Variants in TENM2 observed in about 807,000 individuals in gnomAD.
TENM2 encodes the protein teneurin-2.
TENM2 carries 52 observed loss-of-function variants against 245.2 expected under a neutral mutation model. That is an observed-to-expected ratio of 0.21 (90% CI 0.17 to 0.27). The LOEUF (loss-of-function observed/expected upper bound fraction) is 0.27. Among genes scored for constraint, TENM2 ranks in the 10% least tolerant of loss-of-function variants. The pLI, the probability that TENM2 is intolerant of heterozygous loss-of-function variation, is 1.00. For missense variants in TENM2, 3,046 were observed against 3,666.8 expected (o/e 0.83, Z 4.37); for synonymous variants, 1,363 against 1,438.9 (o/e 0.95, Z 1.19).
At chr5:168,216,157 C>A (rs898721879) in intron 21 of TENM2, among the ~76,000 whole-genome samples, 3 of 152,156 alleles carry the variant, frequency 2.0e-5, no homozygotes. Flanking sequence ...TGTACTTGGG[C>A]ACTGGGGCAA....
At chr5:168,160,295 C>T (rs893282890) in intron 12 of TENM2, among the ~76,000 whole-genome samples, 22 of 152,320 alleles carry the variant, frequency 1.4e-4, no homozygotes, top group African/African-American at 5.1e-4. Context: ...GGACGGCTTT[C>T]CCTCCACACA....
intron 2 of TENM2, among the ~76,000 whole-genome samples, chr5:167,379,954 A>G (rs193136491): frequency 6.6e-6 from 1 of 151,668 alleles, no homozygotes; most frequent in Admixed American, 6.6e-5. Context: ...AACCCAGAAC[A>G]AAGTTTTAAG....
At chr5:168,183,922 C>T (rs943430906) in intron 13 of TENM2, among the ~76,000 whole-genome samples, 10 of 152,088 alleles carry the variant, frequency 6.6e-5, no homozygotes, top group African/African-American at 1.9e-4. Context: ...AAGGACCTTT[C>T]GTGGATTACC....
chr5:168,118,496 C>T lies in TENM2; in HGVS notation c.2008+10C>T, dbSNP rs564922657. ...GAGCACTGTGAGGAAGGTAAGCCCGCCGGCCCCGGGGCTAGGCAGCAGTGG... is the reference window on the plus strand; with the variant it reads ...GAGCACTGTGAGGAAGGTAAGCCCGTCGGCCCCGGGGCTAGGCAGCAGTGG... On this transcript the variant is annotated intron_variant, in intron 10 of 28. Coordinates refer to ENST00000518659, the Ensembl canonical transcript of TENM2. 6.6e-6 allele frequency: 10 copies of T among 1,506,620 alleles called. No individual in the cohort carries two copies. In the African/African-American group the frequency reaches 9.5e-5, roughly 14 times the overall value. 93.3% of individuals were successfully genotyped at this position (1,506,620 alleles called of 1,614,324 possible).
intron 2 of TENM2, chr5:167,821,281 A>G (rs1767503412): frequency 6.6e-6 from 1 of 152,250 alleles, no homozygotes; most frequent in Non-Finnish European, 1.5e-5. Context: ...ATGAAGCTTC[A>G]GAATGGTAAG....
At chr5:167,703,771 C>G (rs1342416089) in intron 2 of TENM2, among the ~76,000 whole-genome samples, 1 of 152,130 alleles carries the variant, frequency 6.6e-6, no homozygotes, top group Non-Finnish European at 1.5e-5. Context: ...AAAACTACGT[C>G]AGCAACTTAG....
chr5:167,452,964 T>TTTTTATATATATATATATTTA (rs1554157789), intron 2 of TENM2, among the ~76,000 whole-genome samples: 1 of 108,224 alleles, frequency 9.2e-6, no homozygotes. Context: ...TATATATATT[T>TTTTTATATATATATATATTTA]AAAAAAAAAA....
chr5:167,756,570 C>T (rs1391673206), intron 2 of TENM2, among the ~76,000 whole-genome samples: 1 of 152,100 alleles, frequency 6.6e-6, no homozygotes, highest in Non-Finnish European at 1.5e-5. Flanking sequence ...GAGGAAATCC[C>T]CTCATCCTTT....
intron 2 of TENM2, among the ~76,000 whole-genome samples, chr5:167,788,264 G>T (rs1271856511): frequency 6.6e-6 from 1 of 152,126 alleles, no homozygotes; most frequent in Non-Finnish European, 1.5e-5. Context: ...TTAATTGAAA[G>T]CATATGATAC....
Position 167,485,340 on chromosome 5 carries a change from G to A in TENM2, c.502+109867G>A, listed in dbSNP as rs1166498643. 2.0e-5 allele frequency among the ~76,000 whole-genome samples: 3 copies of A among 152,016 alleles called. No individual in the cohort carries two copies. In the East Asian group the frequency reaches 5.8e-4, roughly 29 times the overall value. ...AAAACAGACTACAAAAAGCAGTAAG[G>A]AAAAAACCACATTATAGCTTTTACT... is the stretch of plus-strand genomic sequence containing the variant. On this transcript the variant is annotated intron_variant, in intron 2 of 28. Transcript: ENST00000518659.
intron 13 of TENM2, among the ~76,000 whole-genome samples, chr5:168,183,918 C>T (rs1760157851): frequency 6.6e-6 from 1 of 152,072 alleles, no homozygotes; most frequent in African/African-American, 2.4e-5. Context: ...TTGTAAGGAC[C>T]TTTCGTGGAT....
At chr5:168,185,915 C>CATATATAT (rs200942772) in intron 13 of TENM2, among the ~76,000 whole-genome samples, 24 of 73,796 alleles carry the variant, frequency 3.3e-4, no homozygotes, top group Non-Finnish European at 5.9e-4. Context: ...ACCAGACTGA[C>CATATATAT]ATATATATAT....
At chr5:167,888,974 A>G (rs1191855839) in intron 3 of TENM2, among the ~76,000 whole-genome samples, 1 of 152,212 alleles carries the variant, frequency 6.6e-6, no homozygotes, top group Admixed American at 6.5e-5. Flanking sequence ...AACCAATTCT[A>G]TCAGTGAACA....
At chr5:167,013,726 A>G in the TENM2 span, among the ~76,000 whole-genome samples, 7 of 152,102 alleles carry the variant, frequency 4.6e-5, no homozygotes, top group Non-Finnish European at 8.8e-5. Flanking sequence ...TAAAGAAAGA[A>G]ATTCAAGCAG....
chr5:168,227,868 T>A (rs1764370485), intron 24 of TENM2, 27 bp from the exon 27 acceptor site: 1 of 1,464,418 alleles, frequency 6.8e-7, no homozygotes, highest in African/African-American at 1.4e-5. Flanking sequence ...TATTTCCCTA[T>A]CCCCACCCCC....
At chr5:167,095,352 A>T in the TENM2 span, among the ~76,000 whole-genome samples, 1 of 152,268 alleles carries the variant, frequency 6.6e-6, no homozygotes, top group East Asian at 1.9e-4. Context: ...ACAAAGACTG[A>T]CATGGGGCAG....
the TENM2 span, among the ~76,000 whole-genome samples, chr5:167,197,965 G>C: frequency 2.6e-5 from 4 of 151,886 alleles, no homozygotes; most frequent in African/African-American, 9.7e-5. Context: ...GGGGAGAAAA[G>C]AAAGGAGAAA....
chr5:167,686,036 A>G (rs41378648), intron 2 of TENM2, among the ~76,000 whole-genome samples: 1 of 152,098 alleles, frequency 6.6e-6, no homozygotes, highest in African/African-American at 2.4e-5. Context: ...TATGTTTCTC[A>G]TAAGATTGAC....
chr5:168,026,944 A>G (rs1312486678), intron 5 of TENM2, among the ~76,000 whole-genome samples: 1 of 152,192 alleles, frequency 6.6e-6, no homozygotes, highest in Non-Finnish European at 1.5e-5. Flanking sequence ...TCCAGGGTCT[A>G]TCAGCCTCCC....
Sources: allele counts gnomAD v4.1 joint callset (sites outside exome capture counted in the v4.1 genomes callset), GRCh38; gene constraint gnomAD v4.1.1; transcripts MANE v1.5; gene names NCBI Gene and HGNC (gene_info 2026-07-23, HGNC 2026-07-21).